SMAD6: variants seen among roughly 807,000 people sequenced by gnomAD.
The protein encoded by SMAD6 is SMAD family member 6, also known as MAD homolog 6.
In SMAD6, 103 loss-of-function variants were observed where a neutral mutation model predicts 39.4. The ratio of observed to expected loss-of-function variants is 2.62; its 90% confidence interval spans 2.23 to 3.08. The LOEUF is 3.08. SMAD6 is among the 30% of genes most tolerant of loss of function. The pLI, the probability that SMAD6 is intolerant of heterozygous loss-of-function variation, is 0.00. For missense variants in SMAD6, 1,104 were observed against 742.9 expected (o/e 1.49, Z -5.65); for synonymous variants, 445 against 353.3 (o/e 1.26, Z -2.91).
At chr15:66,741,758 T>G (rs1232397421) in intron 3 of SMAD6, among the ~76,000 whole-genome samples, 1 of 152,188 alleles carries the variant, frequency 6.6e-6, no homozygotes, top group Non-Finnish European at 1.5e-5. Flanking sequence ...TTAGTATATT[T>G]GCAACATTCT....
intron 3 of SMAD6, among the ~76,000 whole-genome samples, chr15:66,729,139 G>T (rs185882523): frequency 6.6e-6 from 1 of 152,108 alleles, no homozygotes; most frequent in Non-Finnish European, 1.5e-5. Context: ...CCTAGAGCAG[G>T]ATCTCCCCTC....
chr15:66,704,361 A>G (rs1246284374), intron 1 of SMAD6: 5 of 305,664 alleles, frequency 1.6e-5, no homozygotes, highest in Admixed American at 5.1e-5. Flanking sequence ...CTCCAACTTC[A>G]TAGGCAGTGA....
intron 3 of SMAD6, among the ~76,000 whole-genome samples, chr15:66,760,226 A>T (rs1247771559): frequency 1.3e-5 from 2 of 150,414 alleles, no homozygotes; most frequent in Non-Finnish European, 3.0e-5. Flanking sequence ...TTGCGATCAC[A>T]CCCTTTCTTC....
At chr15:66,724,731 C>T (rs890837837) in intron 3 of SMAD6, among the ~76,000 whole-genome samples, 1 of 152,116 alleles carries the variant, frequency 6.6e-6, no homozygotes, top group African/African-American at 2.4e-5. Flanking sequence ...CAATGATCAC[C>T]CCAAGCCCCC....
chr15:66,762,116 G>A (rs1482771133), intron 3 of SMAD6, among the ~76,000 whole-genome samples: 2 of 152,172 alleles, frequency 1.3e-5, no homozygotes, highest in Non-Finnish European at 2.9e-5. Context: ...TTTGATGTGA[G>A]AGAAAAAAAT....
chr15:66,776,395 G>T (rs951642771), intron 3 of SMAD6, among the ~76,000 whole-genome samples: 1 of 152,234 alleles, frequency 6.6e-6, no homozygotes, highest in Non-Finnish European at 1.5e-5. Context: ...ATGGACTGTG[G>T]TGAGTGGGGT....
At chr15:66,733,978 C>T (rs1308892224) in intron 3 of SMAD6, among the ~76,000 whole-genome samples, 1 of 152,200 alleles carries the variant, frequency 6.6e-6, no homozygotes, top group East Asian at 1.9e-4. Flanking sequence ...TGCAGTTGCA[C>T]AGAGGCTGAT....
At chr15:66,721,695 G>C (rs1893435308) in intron 3 of SMAD6, among the ~76,000 whole-genome samples, 1 of 152,248 alleles carries the variant, frequency 6.6e-6, no homozygotes, top group South Asian at 2.1e-4. Flanking sequence ...GCCAAGGCCT[G>C]TCACACTGCA....
chr15:66,757,536 AG>A (rs1418891859), intron 3 of SMAD6, among the ~76,000 whole-genome samples: 1 of 152,214 alleles, frequency 6.6e-6, no homozygotes, highest in Non-Finnish European at 1.5e-5. Flanking sequence ...GGTGTCCAGC[AG>A]GACCCTCAGG....
At chr15:66,716,665 T>C (rs1461557183) in intron 3 of SMAD6, among the ~76,000 whole-genome samples, 167 bp downstream of exon 3, 2 of 152,238 alleles carry the variant, frequency 1.3e-5, no homozygotes, top group Non-Finnish European at 2.9e-5. Context: ...CTGGTGTTTT[T>C]GGGGTTAAGA....
intron 3 of SMAD6, among the ~76,000 whole-genome samples, chr15:66,725,615 T>C (rs1340899211): frequency 6.6e-6 from 1 of 152,180 alleles, no homozygotes; most frequent in African/African-American, 2.4e-5. Flanking sequence ...GAAGCTGGGC[T>C]GGGAGGCCTT....
At chr15:66,708,400 G>A (rs1269015844) in intron 1 of SMAD6, 4 of 204,480 alleles carry the variant, frequency 2.0e-5, no homozygotes, top group African/African-American at 4.6e-5. Flanking sequence ...CTGAGGTAAT[G>A]CCCTGGGGCT....
At chr15:66,706,195 A>T (rs1893106944) in intron 1 of SMAD6, 1 of 152,284 alleles carries the variant, frequency 6.6e-6, no homozygotes, top group Non-Finnish European at 1.5e-5. Flanking sequence ...AGTAACGTGC[A>T]GCTTGACTTT....
chr15:66,733,963 T>G (rs1385161116), intron 3 of SMAD6, among the ~76,000 whole-genome samples: 2 of 152,194 alleles, frequency 1.3e-5, no homozygotes, highest in Admixed American at 1.3e-4. Context: ...GCAGGGCACT[T>G]GGCCTGCAGT....
At chr15:66,705,012 T>C (rs1595758482) in intron 1 of SMAD6, 1 of 152,476 alleles carries the variant, frequency 6.6e-6, no homozygotes, top group East Asian at 1.9e-4. Flanking sequence ...CTTTAGCCTG[T>C]AGCTAGCCTC....
At chr15:66,716,964 G>A in intron 3 of SMAD6, 1 of 1,288,186 alleles carries the variant, frequency 7.8e-7, no homozygotes, top group East Asian at 5.5e-5. Flanking sequence ...GATCTGGCAA[G>A]TGAGGAGTTT....
intron 2 of SMAD6, among the ~76,000 whole-genome samples, chr15:66,713,851 C>G (rs1893277780): frequency 6.6e-6 from 1 of 152,182 alleles, no homozygotes; most frequent in Non-Finnish European, 1.5e-5. Context: ...ATGGGGGAGC[C>G]TTAGTTCTCT....
chr15:66,708,468 A>C (rs569077449), intron 1 of SMAD6, among the ~76,000 whole-genome samples: 1 of 152,364 alleles, frequency 6.6e-6, no homozygotes, highest in South Asian at 2.1e-4. Flanking sequence ...ATTGTTACCC[A>C]GTAGTGTTGA....
chr15:66,730,820 A>G (rs2140624744), intron 3 of SMAD6, among the ~76,000 whole-genome samples: 1 of 152,284 alleles, frequency 6.6e-6, no homozygotes, highest in South Asian at 2.1e-4. Flanking sequence ...GGGAGAGGTA[A>G]TTTGCCCAGT....
Sources: allele counts gnomAD v4.1 joint callset (sites outside exome capture counted in the v4.1 genomes callset), GRCh38; gene constraint gnomAD v4.1.1; transcripts MANE v1.5; gene names NCBI Gene and HGNC (gene_info 2026-07-23, HGNC 2026-07-21).